SMAD2: variants seen among roughly 807,000 people sequenced by gnomAD.
SMAD2 encodes the protein SMAD family member 2.
In SMAD2, 8 loss-of-function variants were observed where a neutral mutation model predicts 64.4. The ratio of observed to expected loss-of-function variants is 0.12; its 90% CI spans 0.07 to 0.22. The LOEUF (loss-of-function observed/expected upper bound fraction) is 0.22. Ranked by LOEUF, SMAD2 falls within the 10% of genes least tolerant of loss-of-function variation. The pLI, the probability that SMAD2 is intolerant of heterozygous loss-of-function variation, is 1.00. For synonymous variants in SMAD2, 203 were observed against 195.8 expected (o/e 1.04, Z -0.31); for missense variants, 289 against 561.2 (o/e 0.51, Z 4.90).
chr18:47,920,148 G>C (rs913898146), intron 1 of SMAD2: 1 of 151,936 alleles, frequency 6.6e-6, no homozygotes. Flanking sequence ...CTGGGTTGCA[G>C]ACTGCCGCTT....
intron 2 of SMAD2, among the ~76,000 whole-genome samples, chr18:47,885,863 G>A (rs2144434701): frequency 6.6e-6 from 1 of 152,292 alleles, no homozygotes; most frequent in East Asian, 1.9e-4. Context: ...TCAAGAGGCT[G>A]AGGTGGGAGG....
chr18:47,851,877 A>G (rs1043362979), intron 6 of SMAD2, among the ~76,000 whole-genome samples: 3 of 152,168 alleles, frequency 2.0e-5, no homozygotes, highest in Non-Finnish European at 4.4e-5. Context: ...CACGCTTCCA[A>G]TCACATCTGA....
intron 1 of SMAD2, among the ~76,000 whole-genome samples, chr18:47,902,987 C>T (rs1046514250): frequency 6.6e-6 from 1 of 152,152 alleles, no homozygotes; most frequent in African/African-American, 2.4e-5. Context: ...CCATAGGTTT[C>T]CACTAAGTAC....
intron 1 of SMAD2, among the ~76,000 whole-genome samples, chr18:47,916,189 CTT>C (rs1468884603): frequency 2.6e-5 from 4 of 152,124 alleles, no homozygotes; most frequent in Non-Finnish European, 5.9e-5. Flanking sequence ...TTGCCATGTT[CTT>C]TGGTGAGAAT....
At position 47,851,319 on chromosome 18, in the gene SMAD2, C is replaced by G; in HGVS notation, c.739G>C (p.Ala247Pro). ...LNQSMDTGSP[A>P]ELSPTTLSPV... Reference sequence around the variant, plus strand: ...GAAAGAGTAGTAGGAGATAGTTCTGCTGGAGAGCCTAAAACAAAAGGATTT... The same window carrying G: ...GAAAGAGTAGTAGGAGATAGTTCTGGTGGAGAGCCTAAAACAAAAGGATTT... The change falls in exon 7 of 11, where the codon GCA becomes CCA. Residue 247 changes from alanine (A) to proline (P), a missense_variant. Physicochemically the swap from Ala to Pro is conservative, Grantham distance 27. This residue lies in a region of SMAD2 where 119 missense variants were observed against 156.7 expected (regional missense o/e 0.76). Transcript: ENST00000262160. The G allele has an allele frequency of 6.2e-7, 1 of 1,607,546 alleles. No homozygotes were observed. The highest frequency in any genetic ancestry group is 8.5e-7 in the Non-Finnish European group (1 of 1,174,646).
At chr18:47,906,150 A>G (rs1023069198) in intron 1 of SMAD2, among the ~76,000 whole-genome samples, 6 of 152,006 alleles carry the variant, frequency 3.9e-5, no homozygotes, top group African/African-American at 1.4e-4. Flanking sequence ...AAGAAAAAAA[A>G]AATACAGGCT....
At position 47,836,572 on chromosome 18, in the gene SMAD2, T is replaced by G. The variant is rs1444372557; in HGVS notation, c.*5255A>C. ...ACAATGGAACAATTGTTTTAACTGT[T>G]AGAATGACCCCAACTGTTAAGTTTG... On this transcript the variant is annotated 3_prime_UTR_variant, in exon 11 of 11. Coordinates refer to ENST00000262160, the MANE Select transcript of SMAD2 (RefSeq NM_005901.6). 1.8e-5 allele frequency: 4 copies of G among 216,852 alleles called. No individual in the cohort carries two copies. Among genetic ancestry groups the G allele is most frequent in the Non-Finnish European group, 3.7e-5 (4 of 107,890 alleles). The allele number at this position is 216,852 out of a possible 1,614,324, so 13.4% of individuals were successfully genotyped here.
intron 5 of SMAD2, among the ~76,000 whole-genome samples, chr18:47,866,650 C>T (rs1419848979): frequency 1.3e-5 from 2 of 152,060 alleles, no homozygotes; most frequent in East Asian, 3.9e-4. Flanking sequence ...CGTTATCTTA[C>T]TGTGTTTATT....
intron 1 of SMAD2, 77 bp downstream of exon 1, chr18:47,930,284 G>A (rs971497627): frequency 2.0e-5 from 3 of 152,286 alleles, no homozygotes; most frequent in African/African-American, 7.2e-5. Context: ...GCGGCCATGT[G>A]ACACGGCCCA....
In SMAD2 at chr18:47,823,048, C is replaced by T. The variant is rs563982252; in HGVS notation, c.*18779G>A. 2 of 152,214 alleles carry T rather than the reference C, an allele frequency of 1.3e-5. No homozygotes were observed. Among genetic ancestry groups the T allele is most frequent in the South Asian group, 2.1e-4 (1 of 4,812 alleles). 9.4% of individuals were successfully genotyped at this position (152,214 alleles called of 1,614,324 possible). A position where few individuals can be genotyped will look rare whatever the true frequency, so the allele number is the denominator to read the frequency against. The stretch of plus-strand genomic sequence containing the variant: ...CCTAAGTTCAATAAAAATCGGCTCT[C>T]GTTATAACAGGATACAATTGGAAAC... On this transcript the variant is annotated 3_prime_UTR_variant, in exon 11 of 11. Transcript: ENST00000262160.
Position 47,809,252 on chromosome 18 carries a change from C to T in SMAD2, c.*32575G>A, listed in dbSNP as rs1176479235. ...TCAGATAGGAAGCATTCCAGTTTCT[C>T]TAGTTTCTTCTTTCCCCTTCCTCTT... On this transcript the variant is annotated 3_prime_UTR_variant, in exon 11 of 11. Coordinates refer to ENST00000262160, the MANE Select transcript of SMAD2 (RefSeq NM_005901.6). 1 of 152,306 alleles carries T rather than the reference C, an allele frequency of 6.6e-6. No individual in the cohort carries two copies. Among genetic ancestry groups the T allele is most frequent in the Non-Finnish European group, 1.5e-5 (1 of 68,122 alleles). The allele number at this position is 152,306 out of a possible 1,614,324, so 9.4% of individuals were successfully genotyped here.
chr18:47,860,503 G>A (rs1404458001), intron 6 of SMAD2, among the ~76,000 whole-genome samples: 1 of 151,670 alleles, frequency 6.6e-6, no homozygotes, highest in Non-Finnish European at 1.5e-5. Flanking sequence ...GGTTGGTCTT[G>A]ACCTCCTGTG....
chr18:47,924,012 G>A (rs2034662104), intron 1 of SMAD2, among the ~76,000 whole-genome samples: 1 of 152,146 alleles, frequency 6.6e-6, no homozygotes, highest in Non-Finnish European at 1.5e-5. Flanking sequence ...ACTTTGGGAG[G>A]CCAAGGTGGG....
At chr18:47,926,288 C>A (rs915663604) in intron 1 of SMAD2, among the ~76,000 whole-genome samples, 2 of 152,164 alleles carry the variant, frequency 1.3e-5, no homozygotes, top group African/African-American at 4.8e-5. Context: ...AAGTATATTA[C>A]GTAGATTATT....
At chr18:47,900,439 A>T (rs1461771029) in intron 1 of SMAD2, among the ~76,000 whole-genome samples, 1 of 152,080 alleles carries the variant, frequency 6.6e-6, no homozygotes, top group East Asian at 1.9e-4. Flanking sequence ...CGGCTGTAGG[A>T]TCCGTAGTGA....
At chr18:47,919,900 A>G (rs1159885031) in intron 1 of SMAD2, among the ~76,000 whole-genome samples, 1 of 152,208 alleles carries the variant, frequency 6.6e-6, no homozygotes, top group Non-Finnish European at 1.5e-5. Flanking sequence ...ATATGTATGG[A>G]TTTCTTTAGA....
At chr18:47,850,707 ACT>A (rs1364363166) in intron 7 of SMAD2, among the ~76,000 whole-genome samples, 1 of 25,544 alleles carries the variant, frequency 3.9e-5, no homozygotes, top group African/African-American at 1.9e-4. Context: ...TATATTATAT[ACT>A]ATATATATAT....
intron 1 of SMAD2, among the ~76,000 whole-genome samples, chr18:47,927,725 C>A (rs974465334): frequency 6.6e-6 from 1 of 152,092 alleles, no homozygotes; most frequent in Non-Finnish European, 1.5e-5. Context: ...CATGGTGAAA[C>A]CCCGTCTCTA....
chr18:47,848,451 C>T (rs755827169), intron 8 of SMAD2, 24 bp downstream of exon 8: 1 of 1,553,900 alleles, frequency 6.4e-7, no homozygotes, highest in East Asian at 2.2e-5. Flanking sequence ...ATTTATTTTT[C>T]ACAACAAGGA....
Sources: gnomAD v4.1 joint callset for allele counts (sites outside exome capture counted in the v4.1 genomes callset) on GRCh38, gnomAD v4.1.1 for gene constraint, gnomAD v4.1.1 regional missense constraint, MANE v1.5 for transcripts, NCBI Gene and HGNC (gene_info 2026-07-23, HGNC 2026-07-21) for gene names.